The following LRFN2 variants were observed in gnomAD, a reference collection of about 807,000 sequenced individuals.
LRFN2 encodes the protein leucine rich repeat and fibronectin type III domain containing 2.
Under a neutral mutation model 37.3 loss-of-function variants are expected in LRFN2, and 18 were observed. The observed-to-expected ratio is 0.48, with a 90% CI of 0.33 to 0.72. The LOEUF (loss-of-function observed/expected upper bound fraction) is 0.72. Among genes scored for constraint, LRFN2 ranks in the 30% least tolerant of loss-of-function variants. The probability of loss-of-function intolerance (pLI) is 0.02; values close to 1 mark genes in which losing one functional copy is unlikely to be tolerated. For missense variants in LRFN2, 1,006 were observed against 1,060.7 expected, an observed-to-expected ratio of 0.95 and a Z score of 0.72; for synonymous variants, 556 against 466.6, an observed-to-expected ratio of 1.19 and a Z score of -2.47.
chr6:40,396,456 C>T (rs953867136), intron 2 of LRFN2, among the ~76,000 whole-genome samples: 1 of 152,150 alleles, frequency 6.6e-6, no homozygotes. Flanking sequence ...CAGAGAAAAT[C>T]ATAATGTGAT....
intron 1 of LRFN2, among the ~76,000 whole-genome samples, chr6:40,556,328 G>T (rs540004577): frequency 4.6e-5 from 7 of 152,204 alleles, no homozygotes; most frequent in Non-Finnish European, 1.0e-4. Flanking sequence ...CACCCTGACA[G>T]GCCCCTCTTG....
intron 1 of LRFN2, among the ~76,000 whole-genome samples, chr6:40,529,007 G>A (rs1274427983): frequency 2.6e-5 from 4 of 152,154 alleles, no homozygotes. Context: ...GCAGGCAGGG[G>A]CTCCCCACAG....
chr6:40,490,075 G>C (rs746615304), intron 1 of LRFN2, among the ~76,000 whole-genome samples: 30 of 152,172 alleles, frequency 2.0e-4, no homozygotes, highest in Non-Finnish European at 4.1e-4. Flanking sequence ...GCTCCAGGGG[G>C]AAGAAGGGCC....
At chr6:40,522,413 C>T (rs910865036) in intron 1 of LRFN2, among the ~76,000 whole-genome samples, 1 of 152,098 alleles carries the variant, frequency 6.6e-6, no homozygotes, top group African/African-American at 2.4e-5. Flanking sequence ...ACCCAAGGCA[C>T]AGGCTTGCCC....
chr6:40,539,682 G>A (rs894916550), intron 1 of LRFN2, among the ~76,000 whole-genome samples: 5 of 152,254 alleles, frequency 3.3e-5, no homozygotes, highest in Middle Eastern at 3.4e-3. Context: ...CACAGGATTC[G>A]CAGCCCCCAT....
intron 1 of LRFN2, among the ~76,000 whole-genome samples, chr6:40,460,402 C>G (rs999415702): frequency 2.6e-5 from 4 of 152,036 alleles, no homozygotes; most frequent in African/African-American, 7.2e-5. Flanking sequence ...TGGTGAGGCT[C>G]TCATATAATC....
chr6:40,443,153 G>A (rs1338886436), intron 1 of LRFN2, among the ~76,000 whole-genome samples: 1 of 152,172 alleles, frequency 6.6e-6, no homozygotes, highest in Non-Finnish European at 1.5e-5. Flanking sequence ...ATCCCACGTG[G>A]TACCGGCAAG....
chr6:40,393,892 G>A (rs907259825), intron 2 of LRFN2, among the ~76,000 whole-genome samples: 1 of 152,206 alleles, frequency 6.6e-6, no homozygotes, highest in Non-Finnish European at 1.5e-5. Flanking sequence ...GCTGCAGACT[G>A]AGGGAGAGGG....
At chr6:40,506,330 AG>A (rs1765536403) in intron 1 of LRFN2, among the ~76,000 whole-genome samples, 1 of 152,228 alleles carries the variant, frequency 6.6e-6, no homozygotes, top group South Asian at 2.1e-4. Flanking sequence ...AGATTTGTGC[AG>A]GAACTTGAAC....
At chr6:40,571,732 A>C (rs990079078) in intron 1 of LRFN2, among the ~76,000 whole-genome samples, 1 of 152,168 alleles carries the variant, frequency 6.6e-6, no homozygotes, top group African/African-American at 2.4e-5. Context: ...CAGCAGGTGG[A>C]TCCCCAAATC....
At chr6:40,483,382 T>G (rs1764878114) in intron 1 of LRFN2, among the ~76,000 whole-genome samples, 1 of 152,198 alleles carries the variant, frequency 6.6e-6, no homozygotes, top group Non-Finnish European at 1.5e-5. Context: ...GGCACCCTAA[T>G]GGCTTCCACC....
At chr6:40,488,765 T>G (rs1765025057) in intron 1 of LRFN2, among the ~76,000 whole-genome samples, 1 of 152,206 alleles carries the variant, frequency 6.6e-6, no homozygotes. Flanking sequence ...ACCTCAGGTC[T>G]GGTATGAAGG....
chr6:40,530,087 C>T (rs1766319092), intron 1 of LRFN2, among the ~76,000 whole-genome samples: 2 of 152,302 alleles, frequency 1.3e-5, no homozygotes, highest in South Asian at 4.1e-4. Context: ...CAGAGAGAGT[C>T]GTCGCAGAAG....
Position 40,392,911 on chromosome 6 carries a change from T to C in LRFN2, c.1402A>G (p.Met468Val). The change falls in exon 3 of 3, where the codon ATG (methionine) becomes GTG (valine). Residue 468 changes from methionine to valine, a missense_variant and splice_region_variant. Around this residue, in one of 4 missense-constraint regions of LRFN2, gnomAD observed 120 missense variants for 178.4 expected, o/e 0.67. Coordinates refer to ENST00000338305, the MANE Select transcript of LRFN2 (RefSeq NM_020737.3). The surrounding 1 kb of genome is among the most constrained non-coding windows in gnomAD (Gnocchi z 4.7). ...CSDDEVLIYR[M>V]IPASNKAFVV... ...AAGGCCTTGTTGGAGGCTGGGATCA[T>C]CCTGGGGAGGGAGGTGGACAGAAAT... 1 of 1,600,914 alleles carries C rather than the reference T, an allele frequency of 6.2e-7. No individual in the cohort carries two copies. Among genetic ancestry groups the C allele is most frequent in the Non-Finnish European group, 8.5e-7 (1 of 1,173,542 alleles).
intron 1 of LRFN2, among the ~76,000 whole-genome samples, chr6:40,548,816 A>G (rs1273563433): frequency 2.0e-5 from 3 of 152,180 alleles, no homozygotes; most frequent in Non-Finnish European, 2.9e-5. Context: ...TGCTATAGCC[A>G]TCTTGCTACC....
At chr6:40,442,640 G>A (rs1464268330) in intron 1 of LRFN2, among the ~76,000 whole-genome samples, 1 of 152,164 alleles carries the variant, frequency 6.6e-6, no homozygotes, top group Non-Finnish European at 1.5e-5. Flanking sequence ...CTGAGGATGG[G>A]ACTCTGTTTC....
intron 1 of LRFN2, among the ~76,000 whole-genome samples, chr6:40,544,247 C>T (rs570587305): frequency 1.8e-4 from 27 of 152,334 alleles, no homozygotes; most frequent in Admixed American, 1.5e-3. Context: ...CACGGAAGTC[C>T]GCAGAGTGTC....
chr6:40,506,447 A>G (rs1485743176), intron 1 of LRFN2, among the ~76,000 whole-genome samples: 1 of 152,228 alleles, frequency 6.6e-6, no homozygotes, highest in East Asian at 1.9e-4. Flanking sequence ...AATCATGTTC[A>G]CTGGAGTCAA....
chr6:40,581,842 G>A (rs1767410571), intron 1 of LRFN2, among the ~76,000 whole-genome samples: 1 of 152,148 alleles, frequency 6.6e-6, no homozygotes, highest in Non-Finnish European at 1.5e-5. Context: ...CATTTCATAT[G>A]TTTTGGGGAC....
Sources: allele counts gnomAD v4.1 joint callset (sites outside exome capture counted in the v4.1 genomes callset), GRCh38; gene constraint gnomAD v4.1.1; regional missense constraint gnomAD v4.1.1; non-coding constraint Gnocchi (gnomAD v3.1); transcripts MANE v1.5; gene names NCBI Gene and HGNC (gene_info 2026-07-23, HGNC 2026-07-21).